The following CHD7 variants were observed in gnomAD, a reference collection of about 807,000 sequenced individuals.
CHD7 encodes the protein ATP-dependent chromatin remodeler CHD7.
Under a neutral mutation model 307.3 loss-of-function variants are expected in CHD7, and 24 were observed. The observed-to-expected ratio is 0.08, with a 90% CI of 0.06 to 0.11. The LOEUF (loss-of-function observed/expected upper bound fraction) is 0.11. Among genes scored for constraint, CHD7 ranks in the 10% least tolerant of loss-of-function variants. CHD7 has a pLI of 1.00. For synonymous variants in CHD7, 1,363 were observed against 1,349.9 expected, an observed-to-expected ratio of 1.01 and a Z score of -0.21; for missense variants, 3,106 against 3,727.1, an observed-to-expected ratio of 0.83 and a Z score of 4.34.
intron 36 of CHD7, 71 bp downstream of exon 36, chr8:60,862,407 T>A (rs910989434): frequency 2.6e-6 from 4 of 1,525,374 alleles, no homozygotes; most frequent in Non-Finnish European, 3.5e-6. Flanking sequence ...TATCCTGCCT[T>A]CTTCTATAGG....
chr8:60,818,797 T>C (rs1005339101), intron 8 of CHD7, among the ~76,000 whole-genome samples: 1 of 152,242 alleles, frequency 6.6e-6, no homozygotes, highest in South Asian at 2.1e-4. Flanking sequence ...GGGATAAGAA[T>C]GGTGTCTAAG....
At chr8:60,861,885 T>C in intron 35 of CHD7, 1 of 193,274 alleles carries the variant, frequency 5.2e-6, no homozygotes, top group Non-Finnish European at 1.1e-5. Flanking sequence ...AACTAGAAAT[T>C]AGTAAAAGTA....
intron 1 of CHD7, among the ~76,000 whole-genome samples, chr8:60,731,390 A>G (rs1808450828): frequency 6.6e-6 from 1 of 152,184 alleles, no homozygotes; most frequent in South Asian, 2.1e-4. Context: ...TGCCTGATAA[A>G]TGCTTAGTTA....
At chr8:60,858,463 C>T (rs891595976) in intron 34 of CHD7, among the ~76,000 whole-genome samples, 1 of 152,154 alleles carries the variant, frequency 6.6e-6, no homozygotes, top group African/African-American at 2.4e-5. Flanking sequence ...AGTAAATAGC[C>T]TTCCTGTTTG....
intron 13 of CHD7, chr8:60,825,250 A>T (rs987592576): frequency 6.6e-6 from 1 of 152,202 alleles, no homozygotes; most frequent in Non-Finnish European, 1.5e-5. Flanking sequence ...AGCTTATTTT[A>T]TTCTTAAAGA....
chr8:60,686,444 T>A (rs372972086), intron 1 of CHD7, among the ~76,000 whole-genome samples: 2 of 152,022 alleles, frequency 1.3e-5, no homozygotes, highest in Admixed American at 1.3e-4. Flanking sequence ...CTAAGAGGTG[T>A]AGACATCGAA....
intron 29 of CHD7, 99 bp downstream of exon 29, chr8:60,852,346 C>T: frequency 7.6e-7 from 1 of 1,324,186 alleles, no homozygotes; most frequent in South Asian, 1.4e-5. Flanking sequence ...AAGGTAGTGA[C>T]CACCAAAGAA....
intron 25 of CHD7, 26 bp downstream of exon 25, chr8:60,849,180 A>C (rs1387293779): frequency 1.4e-6 from 2 of 1,404,682 alleles, no homozygotes; most frequent in Admixed American, 3.4e-5. Flanking sequence ...GTTTGAATAC[A>C]TCTCAACTGT....
At chr8:60,860,733 C>T (rs1244730363) in intron 34 of CHD7, among the ~76,000 whole-genome samples, 171 bp from the exon 35 acceptor site, 1 of 152,248 alleles carries the variant, frequency 6.6e-6, no homozygotes, top group Non-Finnish European at 1.5e-5. Flanking sequence ...CCGCGCCCAG[C>T]CTCATTTTCT....
intron 6 of CHD7, among the ~76,000 whole-genome samples, chr8:60,804,742 A>G (rs1461006471): frequency 2.0e-5 from 3 of 152,190 alleles, no homozygotes; most frequent in Admixed American, 1.3e-4. Context: ...AGTAGGATGC[A>G]TAGGAAAGGC....
At chr8:60,853,664 C>T (rs1012313828) in intron 31 of CHD7, among the ~76,000 whole-genome samples, 164 bp downstream of exon 31, 3 of 152,188 alleles carry the variant, frequency 2.0e-5, no homozygotes, top group African/African-American at 4.8e-5. Context: ...GTTTTGCTCT[C>T]GCACCTTATA....
intron 6 of CHD7, among the ~76,000 whole-genome samples, chr8:60,806,697 C>A (rs1381150352): frequency 1.3e-5 from 2 of 152,036 alleles, no homozygotes; most frequent in African/African-American, 4.8e-5. Flanking sequence ...CTAGACAGGC[C>A]AAAACTGTTT....
intron 2 of CHD7, among the ~76,000 whole-genome samples, chr8:60,765,680 G>A (rs573540068): frequency 9.2e-5 from 14 of 152,326 alleles, no homozygotes; most frequent in African/African-American, 3.1e-4. Flanking sequence ...CGTGTGTGGT[G>A]GAGAGGAGGA....
In CHD7 at chr8:60,703,062, G is replaced by C. The variant is rs554458909; in HGVS notation, c.-175+23980G>C. The stretch of plus-strand genomic sequence containing the variant: ...AGTTACATGGCCAGGCAGTGTAGAA[G>C]GGAATACTTCAGGGAGGCCCAACAT... On this transcript the variant is annotated intron_variant, in intron 1 of 37. Coordinates refer to ENST00000423902, the MANE Select transcript of CHD7 (RefSeq NM_017780.4). Among the ~76,000 whole-genome samples the C allele has an allele frequency of 3.8e-4, 58 of 152,330 alleles. 1 individual carries two copies. Among genetic ancestry groups the C allele is most frequent in the Middle Eastern group, 6.8e-3 (2 of 294 alleles).
At chr8:60,833,667 G>A (rs547569250) in intron 15 of CHD7, among the ~76,000 whole-genome samples, 46 of 152,312 alleles carry the variant, frequency 3.0e-4, no homozygotes, top group African/African-American at 1.1e-3. Context: ...GTTTCAAGTT[G>A]TCTTTGATAT....
At position 60,828,702 on chromosome 8, in the gene CHD7, A is replaced by G; in HGVS notation, c.3418A>G (p.Thr1140Ala). 6.2e-7 allele frequency: 1 copy of G among 1,613,290 alleles called. No individual in the cohort carries two copies. The highest frequency in any genetic ancestry group is 8.5e-7 in the Non-Finnish European group (1 of 1,179,562). Reference protein sequence around the residue: ...VLLTGTPLQNTVEELFSLLHF... With the variant: ...VLLTGTPLQNAVEELFSLLHF... ...GCTGACGGGAACCCCACTCCAGAAC[A>G]CTGTGGAAGAACTCTTCAGCTTGCT... The change falls in exon 14 of 38, where the codon ACT (threonine) becomes GCT (alanine). Residue 1140 changes from threonine to alanine, a missense_variant. This residue lies in a region of CHD7 where 232 missense variants were observed against 422.5 expected (regional missense o/e 0.55). Transcript: ENST00000423902.
chr8:60,828,623 TG>T (rs770325100), intron 13 of CHD7, 39 bp from the exon 14 acceptor site: 1 of 1,562,878 alleles, frequency 6.4e-7, no homozygotes, highest in East Asian at 2.3e-5. Context: ...AAAGTGTTTT[TG>T]TTACAATTTG....
chr8:60,808,072 C>A, intron 6 of CHD7, 145 bp from the exon 7 acceptor site: 1 of 639,216 alleles, frequency 1.6e-6, no homozygotes, highest in Admixed American at 2.8e-5. Context: ...GGCCACCTCC[C>A]AGCACACGGT....
chr8:60,733,817 A>T (rs895233154), intron 1 of CHD7, among the ~76,000 whole-genome samples: 1 of 152,274 alleles, frequency 6.6e-6, no homozygotes, highest in Non-Finnish European at 1.5e-5. Context: ...GAATATCCAG[A>T]GTCTTCAAAG....
Sources: allele counts gnomAD v4.1 joint callset (sites outside exome capture counted in the v4.1 genomes callset), GRCh38; gene constraint gnomAD v4.1.1; regional missense constraint gnomAD v4.1.1; transcripts MANE v1.5; gene names NCBI Gene and HGNC (gene_info 2026-07-23, HGNC 2026-07-21).